Variants in DYNC2H1 observed in about 807,000 individuals in gnomAD.
The protein encoded by DYNC2H1 is dynein cytoplasmic 2 heavy chain 1.
Under a neutral mutation model 570.0 loss-of-function variants are expected in DYNC2H1, and 410 were observed. The ratio of observed to expected loss-of-function variants is 0.72; its 90% CI spans 0.66 to 0.78. The LOEUF (loss-of-function observed/expected upper bound fraction) is 0.78. DYNC2H1 is among the 30% of genes least tolerant of loss of function. DYNC2H1 has a pLI of 0.00. For synonymous variants in DYNC2H1, 1,688 were observed against 1,677.6 expected, an observed-to-expected ratio of 1.01 and a Z score of -0.15; for missense variants, 4,865 against 5,046.4, an observed-to-expected ratio of 0.96 and a Z score of 1.09.
chr11:103,450,021 A>T (rs1944546231), intron 85 of DYNC2H1, among the ~76,000 whole-genome samples: 1 of 152,234 alleles, frequency 6.6e-6, no homozygotes, highest in Non-Finnish European at 1.5e-5. Context: ...AAGATGTATC[A>T]TGCTAACACT....
At chr11:103,435,774 A>G (rs1944038831) in intron 84 of DYNC2H1, among the ~76,000 whole-genome samples, 169 bp from the exon 85 acceptor site, 1 of 152,152 alleles carries the variant, frequency 6.6e-6, no homozygotes, top group South Asian at 2.1e-4. Context: ...TTTTAGAGAA[A>G]CATTAATTCA....
In DYNC2H1 at chr11:103,237,401, T is replaced by C. The variant is rs533563827; in HGVS notation, c.9819+862T>C. Among the ~76,000 whole-genome samples, 4 of 152,042 alleles carry C rather than the reference T, an allele frequency of 2.6e-5. No homozygotes were observed. In the South Asian group the frequency reaches 8.3e-4, roughly 31 times the overall value. On this transcript the variant is annotated intron_variant, in intron 63 of 88. Transcript: ENST00000375735. ...TATATTTTAGGTGCTGTTCATTACT[T>C]GATAATTTGTTCTGTTTTATTAGAC...
Position 103,189,884 on chromosome 11 carries a change from C to T in DYNC2H1, c.7437+68C>T. The T allele has an allele frequency of 6.8e-7, 1 of 1,462,200 alleles. No individual in the cohort carries two copies. Among genetic ancestry groups the T allele is most frequent in the Non-Finnish European group, 9.1e-7 (1 of 1,095,848 alleles). The allele number at this position is 1,462,200 out of a possible 1,614,324, so 90.6% of individuals were successfully genotyped here. A position where few individuals can be genotyped will look rare whatever the true frequency, so the allele number is the denominator to read the frequency against. On this transcript the variant is annotated intron_variant, in intron 45 of 88. Transcript: ENST00000375735. This position sits in a 1 kb window ranked among gnomAD's most constrained non-coding sequence, Gnocchi z 4.3. ...CATTTCTAAAGGTCTACTTTTAATTCTGACCTCTGTGTTGACACCCAGGCT... is the reference window on the plus strand; with the variant it reads ...CATTTCTAAAGGTCTACTTTTAATTTTGACCTCTGTGTTGACACCCAGGCT...
At chr11:103,148,709 A>G (rs994393863) in intron 20 of DYNC2H1, 92 bp downstream of exon 20, 4 of 1,423,334 alleles carry the variant, frequency 2.8e-6, no homozygotes, top group South Asian at 2.8e-5. Flanking sequence ...TTACAAATAT[A>G]TAATCTCAAC....
chr11:103,396,089 G>GA (rs1342302798), intron 83 of DYNC2H1, among the ~76,000 whole-genome samples: 1 of 151,908 alleles, frequency 6.6e-6, no homozygotes, highest in Non-Finnish European at 1.5e-5. Context: ...ATATAATCTG[G>GA]AAAAAATACC....
intron 3 of DYNC2H1, among the ~76,000 whole-genome samples, chr11:103,114,798 G>A (rs1317508355): frequency 2.0e-5 from 3 of 151,638 alleles, no homozygotes; most frequent in Non-Finnish European, 2.9e-5. Context: ...CATTAACATT[G>A]ACTTAATGGC....
At chr11:103,379,000 T>G (rs1941523100) in intron 83 of DYNC2H1, among the ~76,000 whole-genome samples, 1 of 152,236 alleles carries the variant, frequency 6.6e-6, no homozygotes, top group Non-Finnish European at 1.5e-5. Context: ...AAGCCAACCT[T>G]TCCACCTATT....
intron 75 of DYNC2H1, among the ~76,000 whole-genome samples, chr11:103,290,151 T>C (rs1266490958): frequency 6.6e-6 from 1 of 152,124 alleles, no homozygotes; most frequent in Non-Finnish European, 1.5e-5. Flanking sequence ...GGTGAACCTT[T>C]TGAGGGACAG....
chr11:103,221,012 C>A (rs1308205703), intron 57 of DYNC2H1, among the ~76,000 whole-genome samples: 1 of 151,566 alleles, frequency 6.6e-6, no homozygotes, highest in Non-Finnish European at 1.5e-5. Flanking sequence ...AAAGGAATAC[C>A]TTAGAATGTT....
At chr11:103,195,017 A>G (rs1862465683) in intron 47 of DYNC2H1, among the ~76,000 whole-genome samples, 1 of 152,094 alleles carries the variant, frequency 6.6e-6, no homozygotes, top group African/African-American at 2.4e-5. Flanking sequence ...TGCAGCCAGC[A>G]ATTGGTTTGT....
intron 17 of DYNC2H1, among the ~76,000 whole-genome samples, chr11:103,136,468 A>G (rs1430967053): frequency 1.3e-5 from 2 of 151,372 alleles, no homozygotes. Flanking sequence ...GAGTGAGAAC[A>G]TGCGGTGTTT....
intron 82 of DYNC2H1, among the ~76,000 whole-genome samples, chr11:103,353,877 A>AT (rs1306088876): frequency 6.6e-6 from 1 of 152,000 alleles, no homozygotes; most frequent in Non-Finnish European, 1.5e-5. Context: ...CATTAATATC[A>AT]TTTTTTAAAA....
chr11:103,458,744 T>C (rs1944886251), intron 87 of DYNC2H1, among the ~76,000 whole-genome samples: 1 of 152,170 alleles, frequency 6.6e-6, no homozygotes. Context: ...AAGTCTGTGA[T>C]GGAAACTTTT....
intron 75 of DYNC2H1, among the ~76,000 whole-genome samples, chr11:103,296,019 C>G (rs771478243): frequency 6.6e-6 from 1 of 152,142 alleles, no homozygotes; most frequent in Non-Finnish European, 1.5e-5. Context: ...AATGCAAAGT[C>G]ACACTCACTT....
rs747860060 is a variant in DYNC2H1 at position 103,122,874 on chromosome 11, G to A, written c.1535G>A (p.Gly512Glu). ...GAGGCTCTTTTATCTGACTTGCCAG[G>A]ATTTCGATGTTTCCATCAAAGTGCC... ...IAEALLSDLP[G>E]FRCFHQSAKD... The change falls in exon 11 of 89, where the codon GGA becomes GAA. Residue 512 changes from glycine to glutamate, a missense_variant. Physicochemically the swap from Gly to Glu is moderately conservative, Grantham distance 98 (BLOSUM62 -2). Coordinates refer to ENST00000375735, the MANE Select transcript of DYNC2H1 (RefSeq NM_001377.3). 3 of 1,613,276 alleles carry A rather than the reference G, an allele frequency of 1.9e-6. No individual in the cohort carries two copies. In the East Asian group the frequency reaches 6.7e-5, roughly 36 times the overall value.
At position 103,168,735 on chromosome 11, in the gene DYNC2H1, A is replaced by G. The variant is rs537524035; in HGVS notation, c.4763-20A>G. 4.4e-6 allele frequency: 7 copies of G among 1,607,894 alleles called. No individual in the cohort carries two copies. The South Asian group carries it at 5.5e-5, about 13-fold the overall frequency. On this transcript the variant is annotated intron_variant, in intron 31 of 88. Coordinates refer to ENST00000375735, the MANE Select transcript of DYNC2H1 (RefSeq NM_001377.3). ...AGGCTAACATTTTCTCCAATTGTCAATATTTTTATTTCTGCCTAGAATCGG... is the reference window on the plus strand; with the variant it reads ...AGGCTAACATTTTCTCCAATTGTCAGTATTTTTATTTCTGCCTAGAATCGG...
chr11:103,393,159 C>T (rs1438993666), intron 83 of DYNC2H1, among the ~76,000 whole-genome samples: 5 of 152,182 alleles, frequency 3.3e-5, no homozygotes, highest in Non-Finnish European at 7.3e-5. Context: ...GCTGGGATTA[C>T]AGGTGTGAGC....
intron 75 of DYNC2H1, among the ~76,000 whole-genome samples, chr11:103,287,926 A>G (rs1866415117): frequency 6.6e-6 from 1 of 152,192 alleles, no homozygotes; most frequent in African/African-American, 2.4e-5. Context: ...TTATTACTCA[A>G]ATCAGTCTCC....
chr11:103,445,445 A>G (rs957759486), intron 85 of DYNC2H1, among the ~76,000 whole-genome samples: 1 of 152,316 alleles, frequency 6.6e-6, no homozygotes, highest in Non-Finnish European at 1.5e-5. Context: ...TAATGTGAGT[A>G]AACAACTGAC....
Sources: gnomAD v4.1 joint callset for allele counts (sites outside exome capture counted in the v4.1 genomes callset) on GRCh38, gnomAD v4.1.1 for gene constraint, Gnocchi (gnomAD v3.1) non-coding constraint, MANE v1.5 for transcripts, NCBI Gene and HGNC (gene_info 2026-07-23, HGNC 2026-07-21) for gene names.